BABAM2: variants seen among roughly 807,000 people sequenced by gnomAD.
BABAM2 encodes the protein BRISC and BRCA1-A complex member 2.
A neutral mutation model predicts 54.7 loss-of-function variants in BABAM2; 31 were observed. The observed-to-expected ratio is 0.57, with a 90% confidence interval of 0.43 to 0.77. The LOEUF is 0.77. BABAM2 is among the 30% of genes least tolerant of loss of function. The pLI is 0.00. For synonymous variants in BABAM2, 167 were observed against 162.9 expected (o/e 1.03, Z -0.19); for missense variants, 364 against 455.8 (o/e 0.80, Z 1.83).
chr2:28,094,305 C>T (rs1336609285), intron 6 of BABAM2, among the ~76,000 whole-genome samples: 4 of 151,890 alleles, frequency 2.6e-5, no homozygotes, highest in Non-Finnish European at 5.9e-5. Flanking sequence ...CTGTGTCTGG[C>T]CCAGAATAGG....
intron 3 of BABAM2, among the ~76,000 whole-genome samples, chr2:27,975,413 A>C (rs1671519423): frequency 6.6e-6 from 1 of 152,144 alleles, no homozygotes; most frequent in African/African-American, 2.4e-5. Flanking sequence ...AAAATAGTCC[A>C]ATAATAGATC....
At chr2:28,275,521 G>A (rs1007455765) in intron 10 of BABAM2, among the ~76,000 whole-genome samples, 2 of 152,204 alleles carry the variant, frequency 1.3e-5, no homozygotes, top group African/African-American at 4.8e-5. Context: ...AAGACCAGCA[G>A]GCAGGCCTCG....
At chr2:28,156,917 C>G (rs1168242443) in intron 7 of BABAM2, among the ~76,000 whole-genome samples, 1 of 152,136 alleles carries the variant, frequency 6.6e-6, no homozygotes, top group Non-Finnish European at 1.5e-5. Context: ...ATATGATTCA[C>G]CATTCAATTT....
At chr2:28,191,514 T>G (rs1676903332) in intron 7 of BABAM2, among the ~76,000 whole-genome samples, 1 of 152,028 alleles carries the variant, frequency 6.6e-6, no homozygotes, top group African/African-American at 2.4e-5. Context: ...AGGGAATGGA[T>G]AAACAAATAG....
chr2:27,979,671 A>G (rs1671864625), intron 3 of BABAM2, among the ~76,000 whole-genome samples: 2 of 152,064 alleles, frequency 1.3e-5, no homozygotes, highest in Admixed American at 1.3e-4. Flanking sequence ...CTGATGTTAG[A>G]TGGTATCTCG....
At chr2:28,185,166 C>T (rs1292429655) in intron 7 of BABAM2, among the ~76,000 whole-genome samples, 2 of 152,076 alleles carry the variant, frequency 1.3e-5, no homozygotes, top group African/African-American at 4.8e-5. Flanking sequence ...AAAGACCCAC[C>T]CAATTTAAAG....
chr2:28,260,699 C>T (rs576349761), intron 10 of BABAM2, among the ~76,000 whole-genome samples: 2 of 152,296 alleles, frequency 1.3e-5, no homozygotes, highest in African/African-American at 4.8e-5. Context: ...TCACAAAAAG[C>T]ATGATTGGGA....
chr2:27,926,346 C>T (rs1667705314), intron 2 of BABAM2, among the ~76,000 whole-genome samples: 1 of 152,068 alleles, frequency 6.6e-6, no homozygotes, highest in East Asian at 1.9e-4. Flanking sequence ...TACTGTGCTC[C>T]AGCCGCATTG....
chr2:28,277,296 G>A (rs1488126249), intron 10 of BABAM2, among the ~76,000 whole-genome samples: 4 of 152,028 alleles, frequency 2.6e-5, no homozygotes, highest in Admixed American at 1.3e-4. Flanking sequence ...AGTGCAGACA[G>A]GTTTCACCAT....
chr2:28,115,182 A>AACACACACACACAC (rs35506654), intron 6 of BABAM2, among the ~76,000 whole-genome samples: 20 of 142,250 alleles, frequency 1.4e-4, no homozygotes, highest in African/African-American at 4.2e-4. Context: ...ATAACTTTAA[A>AACACACACACACAC]ACACACACAC....
intron 6 of BABAM2, among the ~76,000 whole-genome samples, chr2:28,108,373 C>T (rs926840688): frequency 3.9e-5 from 6 of 152,150 alleles, no homozygotes; most frequent in Non-Finnish European, 7.3e-5. Context: ...TGCTAGGATG[C>T]TTCAATACTT....
intron 6 of BABAM2, among the ~76,000 whole-genome samples, chr2:28,063,299 G>A (rs1224926277): frequency 1.3e-5 from 2 of 152,160 alleles, no homozygotes; most frequent in East Asian, 1.9e-4. Context: ...AATGCAAGCC[G>A]CATATGCAAC....
At chr2:27,937,105 A>T (rs1322789308) in intron 3 of BABAM2, among the ~76,000 whole-genome samples, 2 of 152,056 alleles carry the variant, frequency 1.3e-5, no homozygotes, top group East Asian at 3.8e-4. Flanking sequence ...TTATTGTGAT[A>T]CTCGCTTTAT....
At chr2:28,073,861 A>G (rs1664400829) in intron 6 of BABAM2, among the ~76,000 whole-genome samples, 2 of 152,190 alleles carry the variant, frequency 1.3e-5, no homozygotes, top group Admixed American at 1.3e-4. Context: ...AGAGTGCTAC[A>G]GTGAATATCC....
chr2:28,209,881 C>G (rs1163130150), intron 7 of BABAM2, among the ~76,000 whole-genome samples: 1 of 152,002 alleles, frequency 6.6e-6, no homozygotes, highest in Non-Finnish European at 1.5e-5. Flanking sequence ...ATCTTAAACT[C>G]TAAGGTTAGA....
intron 7 of BABAM2, among the ~76,000 whole-genome samples, chr2:28,205,354 T>A (rs955283719): frequency 1.3e-5 from 2 of 151,762 alleles, no homozygotes; most frequent in African/African-American, 4.8e-5. Flanking sequence ...ACAAAAAAAA[T>A]TAGCTGGGCA....
At chr2:27,939,534 G>A (rs1668729734) in intron 3 of BABAM2, among the ~76,000 whole-genome samples, 1 of 152,192 alleles carries the variant, frequency 6.6e-6, no homozygotes, top group Admixed American at 6.5e-5. Flanking sequence ...TGTTGTATCA[G>A]CCTTTTGCCA....
At chr2:28,128,191 A>G (rs1669737802) in intron 6 of BABAM2, among the ~76,000 whole-genome samples, 1 of 152,190 alleles carries the variant, frequency 6.6e-6, no homozygotes, top group Non-Finnish European at 1.5e-5. Context: ...CTAAGGACCT[A>G]TGAACTGATC....
At chr2:28,248,759 G>A (rs769613040) in intron 10 of BABAM2, among the ~76,000 whole-genome samples, 6 of 151,998 alleles carry the variant, frequency 3.9e-5, no homozygotes, top group Non-Finnish European at 5.9e-5. Flanking sequence ...ATAAATCTTT[G>A]GTAAATGACC....
Sources: gnomAD v4.1 joint callset for allele counts (sites outside exome capture counted in the v4.1 genomes callset) on GRCh38, gnomAD v4.1.1 for gene constraint, MANE v1.5 for transcripts, NCBI Gene and HGNC (gene_info 2026-07-23, HGNC 2026-07-21) for gene names.